Variants in DIAPH3 observed in about 807,000 individuals in gnomAD.
DIAPH3 encodes the protein diaphanous related formin 3.
DIAPH3 carries 117 observed loss-of-function variants against 144.3 expected under a neutral mutation model. That is an observed-to-expected ratio of 0.81 (90% confidence interval 0.70 to 0.95). The LOEUF is 0.95. Among genes scored for constraint, DIAPH3 ranks in the 40% least tolerant of loss-of-function variants. The pLI is 0.00. For missense variants in DIAPH3, 1,421 were observed against 1,412.7 expected, an observed-to-expected ratio of 1.01 and a Z score of -0.09; for synonymous variants, 519 against 488.9, an observed-to-expected ratio of 1.06 and a Z score of -0.81.
chr13:60,047,074 T>C (rs961636161), intron 4 of DIAPH3, among the ~76,000 whole-genome samples: 3 of 152,074 alleles, frequency 2.0e-5, no homozygotes, highest in Non-Finnish European at 4.4e-5. Flanking sequence ...TGTATACCTA[T>C]GTAACAAACT....
intron 6 of DIAPH3, 43 bp from the exon 7 acceptor site, chr13:60,016,025 A>T (rs367913890): frequency 1.1e-5 from 18 of 1,609,716 alleles, no homozygotes; most frequent in Non-Finnish European, 1.5e-5. Context: ...TTATAATTGG[A>T]CATATGAATG....
intron 17 of DIAPH3, among the ~76,000 whole-genome samples, chr13:59,967,422 T>C (rs747517091): frequency 3.3e-5 from 5 of 152,010 alleles, no homozygotes; most frequent in Non-Finnish European, 5.9e-5. Flanking sequence ...AAACAAAGTA[T>C]GTTGGACTCA....
intron 17 of DIAPH3, among the ~76,000 whole-genome samples, chr13:59,963,956 C>G (rs1005259848): frequency 1.3e-5 from 2 of 152,138 alleles, no homozygotes; most frequent in African/African-American, 4.8e-5. Flanking sequence ...TAATTTGAGC[C>G]AGAGTCTTGA....
At chr13:59,747,938 T>C (rs1423464872) in intron 27 of DIAPH3, among the ~76,000 whole-genome samples, 2 of 152,200 alleles carry the variant, frequency 1.3e-5, no homozygotes, top group Non-Finnish European at 2.9e-5. Context: ...CCTTCCACTA[T>C]AAATTATTTG....
intron 20 of DIAPH3, among the ~76,000 whole-genome samples, chr13:59,882,430 G>A (rs1013074470): frequency 2.5e-4 from 38 of 152,010 alleles, no homozygotes; most frequent in Non-Finnish European, 5.9e-5. Flanking sequence ...TTCTTCAGGT[G>A]GAATCAAATA....
chr13:59,906,635 G>T (rs1198709858), intron 20 of DIAPH3, among the ~76,000 whole-genome samples: 4 of 152,146 alleles, frequency 2.6e-5, no homozygotes, highest in Non-Finnish European at 5.9e-5. Flanking sequence ...CCAAATGGTG[G>T]TAGATCAAAA....
intron 20 of DIAPH3, among the ~76,000 whole-genome samples, chr13:59,901,297 C>T (rs963243189): frequency 6.6e-6 from 1 of 152,208 alleles, no homozygotes; most frequent in Non-Finnish European, 1.5e-5. Flanking sequence ...CTCTTTACAC[C>T]GTCTCCCACC....
At chr13:60,112,243 T>G in intron 2 of DIAPH3, 57 bp from the exon 3 acceptor site, 1 of 1,600,188 alleles carries the variant, frequency 6.2e-7, no homozygotes, top group Non-Finnish European at 8.5e-7. Flanking sequence ...AACATTTATC[T>G]CATCTCAAAA....
At chr13:59,686,486 A>C (rs1157240624) in intron 27 of DIAPH3, among the ~76,000 whole-genome samples, 1 of 151,652 alleles carries the variant, frequency 6.6e-6, no homozygotes, top group Non-Finnish European at 1.5e-5. Context: ...AAAAGAACAA[A>C]TAAGAAAGCA....
intron 27 of DIAPH3, among the ~76,000 whole-genome samples, chr13:59,675,810 C>A (rs1056271613): frequency 1.3e-5 from 2 of 152,120 alleles, no homozygotes; most frequent in Admixed American, 1.3e-4. Context: ...TCTGGGGGAA[C>A]ATGATTAGGC....
chr13:59,800,305 G>A (rs1488241556), intron 25 of DIAPH3, among the ~76,000 whole-genome samples: 1 of 152,076 alleles, frequency 6.6e-6, no homozygotes, highest in Non-Finnish European at 1.5e-5. Context: ...ACTGATAAAA[G>A]ATGACTGAGT....
rs558581287 is a variant in DIAPH3, at chr13:59,751,734, A to G, written c.3319+22455T>C. 3.9e-5 allele frequency among the ~76,000 whole-genome samples: 6 copies of G among 152,370 alleles called. No individual in the cohort carries two copies. The South Asian group carries it at 1.2e-3, about 32-fold the overall frequency. On this transcript the variant is annotated intron_variant, in intron 27 of 27. Coordinates refer to ENST00000400324, the MANE Select transcript of DIAPH3 (RefSeq NM_001042517.2). ...TACATCAAACAGGAGAATATCTATT[A>G]TACTGTTTTTGAAGTAAACTTTTAA...
intron 2 of DIAPH3, among the ~76,000 whole-genome samples, chr13:60,128,063 C>T (rs2059034505): frequency 6.6e-6 from 1 of 152,042 alleles, no homozygotes; most frequent in Non-Finnish European, 1.5e-5. Flanking sequence ...CTCCTCCCAC[C>T]CATCACCCTC....
At chr13:59,759,827 T>C (rs1002150502) in intron 27 of DIAPH3, among the ~76,000 whole-genome samples, 2 of 151,922 alleles carry the variant, frequency 1.3e-5, no homozygotes, top group Non-Finnish European at 2.9e-5. Flanking sequence ...GTGCCTGTAA[T>C]CCCAACTACT....
chr13:59,855,945 A>G (rs537914233), intron 22 of DIAPH3, among the ~76,000 whole-genome samples: 3 of 152,126 alleles, frequency 2.0e-5, no homozygotes, highest in Admixed American at 2.0e-4. Context: ...AAAAGACAAA[A>G]CAAAAACTTG....
At chr13:59,739,472 A>T (rs1039347216) in intron 27 of DIAPH3, among the ~76,000 whole-genome samples, 1 of 152,120 alleles carries the variant, frequency 6.6e-6, no homozygotes, top group African/African-American at 2.4e-5. Context: ...AGTATTAATG[A>T]TTACAGCACC....
At chr13:59,672,836 A>C (rs2138595777) in intron 27 of DIAPH3, among the ~76,000 whole-genome samples, 1 of 152,348 alleles carries the variant, frequency 6.6e-6, no homozygotes, top group South Asian at 2.1e-4. Context: ...ACTCTTATTA[A>C]AACAAATTAT....
chr13:60,089,438 T>C (rs1296931804), intron 4 of DIAPH3, among the ~76,000 whole-genome samples: 4 of 152,142 alleles, frequency 2.6e-5, no homozygotes, highest in Non-Finnish European at 4.4e-5. Flanking sequence ...TACATCTATA[T>C]TTATATAATA....
In DIAPH3 at chr13:59,983,838, G is replaced by A. The variant is rs368826517; in HGVS notation, c.1411C>T (p.His471Tyr). 15 of 1,610,070 alleles carry A rather than the reference G, an allele frequency of 9.3e-6. No homozygotes were observed. The highest frequency in any genetic ancestry group is 1.3e-5 in the Non-Finnish European group (15 of 1,177,324). The part of the protein sequence containing the change: ...IDECVSQIVL[H>Y]RDGMDPDFTY... ...AAGTCTGGATCCATTCCATCTCTAT[G>A]CAATACAATCTGGGATACACACTCA... The change falls in exon 13 of 28, where the codon CAT becomes TAT. Residue 471 changes from histidine to tyrosine, a missense_variant. His to Tyr is a moderately conservative substitution (Grantham distance 83). Coordinates refer to ENST00000400324, the MANE Select transcript of DIAPH3 (RefSeq NM_001042517.2).
Sources: allele counts gnomAD v4.1 joint callset (sites outside exome capture counted in the v4.1 genomes callset), GRCh38; gene constraint gnomAD v4.1.1; transcripts MANE v1.5; gene names NCBI Gene and HGNC (gene_info 2026-07-23, HGNC 2026-07-21).